Variants in ANKRD45 observed in about 807,000 individuals in gnomAD.
ANKRD45 encodes ankyrin repeat domain 45.
ANKRD45 carries 21 observed loss-of-function variants against 28.1 expected under a neutral mutation model. The ratio of observed to expected loss-of-function variants is 0.75; its 90% CI spans 0.53 to 1.08. The LOEUF (loss-of-function observed/expected upper bound fraction) is 1.08. Ranked by LOEUF, ANKRD45 falls within the 50% of genes least tolerant of loss-of-function variation. The pLI is 0.00. For missense variants in ANKRD45, 261 were observed against 308.7 expected (o/e 0.85, Z 1.16); for synonymous variants, 86 against 103.9 (o/e 0.83, Z 1.05).
intron 2 of ANKRD45, among the ~76,000 whole-genome samples, chr1:173,649,284 TA>T (rs1040852882): frequency 2.6e-5 from 4 of 152,174 alleles, no homozygotes; most frequent in African/African-American, 9.6e-5. Flanking sequence ...AACAACTTGA[TA>T]TAAGTGTTCT....
At chr1:173,669,935 A>G (rs1670198597), upstream of ANKRD45, 1 of 169,590 alleles carries the variant, frequency 5.9e-6, no homozygotes, top group Non-Finnish European at 1.5e-5. Flanking sequence ...GCAAAGGCGC[A>G]GGAAGCCAGA....
At chr1:173,638,488 C>G (rs1052721462) in intron 3 of ANKRD45, among the ~76,000 whole-genome samples, 2 of 152,094 alleles carry the variant, frequency 1.3e-5, no homozygotes, top group African/African-American at 4.8e-5. Flanking sequence ...GCTGCCATAT[C>G]CAGGAGTGCT....
At chr1:173,611,818 C>T (rs958556715) in intron 5 of ANKRD45, among the ~76,000 whole-genome samples, 1 of 151,726 alleles carries the variant, frequency 6.6e-6, no homozygotes, top group African/African-American at 2.4e-5. Context: ...TTTTGTGTTC[C>T]AAAACATAAT....
At chr1:173,634,505 G>A (rs968184585) in intron 3 of ANKRD45, among the ~76,000 whole-genome samples, 1 of 151,764 alleles carries the variant, frequency 6.6e-6, no homozygotes, top group Non-Finnish European at 1.5e-5. Flanking sequence ...TGCTTATTAT[G>A]CTTCCCCAAT....
chr1:173,663,507 G>C (rs755263106), intron 1 of ANKRD45, among the ~76,000 whole-genome samples: 210 of 152,128 alleles, frequency 1.4e-3, no homozygotes, highest in Non-Finnish European at 2.5e-3. Flanking sequence ...TTTTGGAATA[G>C]AACCCCACCC....
At position 173,646,916 on chromosome 1, in the gene ANKRD45, C is replaced by CCGG; in HGVS notation, c.423_425dup (p.Arg142dup). On this transcript the variant is annotated inframe_insertion, in exon 3 of 6. Coordinates refer to ENST00000333279, the MANE Select transcript of ANKRD45 (RefSeq NM_198493.3). ...CAGCAACATCTCGAGCCCTTTCTTC[C>CCGG]CGGAAGTTCAAAGCTTCTATATCAA... is the stretch of plus-strand genomic sequence containing the variant. The CCGG allele has an allele frequency of 6.2e-7, 1 of 1,614,138 alleles. No individual in the cohort carries two copies.
At chr1:173,658,809 A>G (rs1669658269) in intron 2 of ANKRD45, 2 of 259,030 alleles carry the variant, frequency 7.7e-6, no homozygotes, top group Non-Finnish European at 1.4e-5. Context: ...TATAATTATT[A>G]TCCCCATTTT....
the ANKRD45 span, among the ~76,000 whole-genome samples, chr1:173,680,895 A>G: frequency 6.7e-6 from 1 of 149,472 alleles, no homozygotes; most frequent in Non-Finnish European, 1.5e-5. Flanking sequence ...GTTCTCATTC[A>G]TAAGTGAGAG....
the ANKRD45 span, among the ~76,000 whole-genome samples, chr1:173,676,178 TA>T: frequency 6.6e-6 from 1 of 152,190 alleles, no homozygotes; most frequent in African/African-American, 2.4e-5. Flanking sequence ...AAAGCCTTGG[TA>T]AAATAACCAG....
At chr1:173,678,593 C>G in the ANKRD45 span, among the ~76,000 whole-genome samples, 1 of 152,100 alleles carries the variant, frequency 6.6e-6, no homozygotes, top group East Asian at 1.9e-4. Context: ...TATGACAAAC[C>G]TACAGCCAAT....
chr1:173,623,240 G>T (rs1667781036), intron 5 of ANKRD45, among the ~76,000 whole-genome samples: 1 of 151,832 alleles, frequency 6.6e-6, no homozygotes, highest in African/African-American at 2.4e-5. Flanking sequence ...TTGAACCCAG[G>T]AGGTGGGGGT....
intron 1 of ANKRD45, among the ~76,000 whole-genome samples, chr1:173,659,968 G>A (rs549198358): frequency 9.9e-5 from 15 of 152,138 alleles, no homozygotes; most frequent in Non-Finnish European, 2.2e-4. Context: ...GAAAAAATAT[G>A]AAGTGCACAA....
intron 3 of ANKRD45, among the ~76,000 whole-genome samples, chr1:173,638,683 G>A (rs1668569405): frequency 6.6e-6 from 1 of 152,192 alleles, no homozygotes; most frequent in African/African-American, 2.4e-5. Flanking sequence ...TTAACTGTAA[G>A]CACGCCCCAC....
the ANKRD45 span, among the ~76,000 whole-genome samples, chr1:173,696,097 T>G: frequency 6.6e-6 from 1 of 152,170 alleles, no homozygotes; most frequent in Non-Finnish European, 1.5e-5. Context: ...TGAAAATCAG[T>G]AATAAAAACT....
At chr1:173,615,331 G>A (rs1294663283) in intron 5 of ANKRD45, among the ~76,000 whole-genome samples, 1 of 147,396 alleles carries the variant, frequency 6.8e-6, no homozygotes, top group African/African-American at 2.5e-5. Flanking sequence ...GTTGCAATGA[G>A]CTGAGATTGC....
chr1:173,632,369 C>A (rs906987261), intron 3 of ANKRD45, among the ~76,000 whole-genome samples: 1 of 151,786 alleles, frequency 6.6e-6, no homozygotes, highest in Non-Finnish European at 1.5e-5. Context: ...AAAGAAAAGC[C>A]CAGGACCCAA....
In ANKRD45 at chr1:173,608,526, C is replaced by T. The variant is rs1226038611; in HGVS notation, c.*1619G>A. Among the ~76,000 whole-genome samples the T allele has an allele frequency of 6.6e-6, 1 of 151,918 alleles. No individual in the cohort carries two copies. Among genetic ancestry groups the T allele is most frequent in the East Asian group, 2.0e-4 (1 of 5,096 alleles). On this transcript the variant is annotated 3_prime_UTR_variant, in exon 6 of 6. Transcript: ENST00000333279. ...TAGAGACAGGGTTTCACCATGTTGG[C>T]CAGGCTTGTCTCAAACCGCTGACCT...
At position 173,655,350 on chromosome 1, in the gene ANKRD45, G is replaced by A. The variant is rs370984073; in HGVS notation, c.328+3741C>T. On this transcript the variant is annotated intron_variant, in intron 2 of 5. Coordinates refer to ENST00000333279, the MANE Select transcript of ANKRD45 (RefSeq NM_198493.3). ...TGTTAGTTTTCCTTCTAACAGTCAG[G>A]TCCCTCAGCTGCAGGTCTGTTGGAG... 1.6e-4 allele frequency among the ~76,000 whole-genome samples: 25 copies of A among 152,290 alleles called. 1 individual carries two copies. In the East Asian group the frequency reaches 4.4e-3, roughly 27 times the overall value.
At chr1:173,617,457 C>CAAGAAGTCCTGATGAG (rs1333884181) in intron 5 of ANKRD45, among the ~76,000 whole-genome samples, 1 of 152,208 alleles carries the variant, frequency 6.6e-6, no homozygotes, top group African/African-American at 2.4e-5. Context: ...CTGGGGAGTT[C>CAAGAAGTCCTGATGAG]AAGAAGTCCT....
Sources: allele counts gnomAD v4.1 joint callset (sites outside exome capture counted in the v4.1 genomes callset), GRCh38; gene constraint gnomAD v4.1.1; transcripts MANE v1.5; gene names NCBI Gene and HGNC (gene_info 2026-07-23, HGNC 2026-07-21).